Variants in CKAP5 observed in about 807,000 individuals in gnomAD.
The protein encoded by CKAP5 is cytoskeleton-associated protein 5.
A neutral mutation model predicts 232.8 loss-of-function variants in CKAP5; 27 were observed. That is an observed-to-expected ratio of 0.12 (90% CI 0.09 to 0.16). The LOEUF is 0.16. Among genes scored for constraint, CKAP5 ranks in the 10% least tolerant of loss-of-function variants. CKAP5 has a pLI of 1.00. For missense variants in CKAP5, 1,838 were observed against 2,424.7 expected (o/e 0.76, Z 5.08); for synonymous variants, 785 against 841.1 (o/e 0.93, Z 1.16).
chr11:46,800,923 G>GT (rs1363359518), intron 9 of CKAP5, among the ~76,000 whole-genome samples: 1 of 152,082 alleles, frequency 6.6e-6, no homozygotes, highest in African/African-American at 2.4e-5. Context: ...CAAGATACTA[G>GT]TAAGTAAATA....
chr11:46,756,907 C>T (rs1371491806), intron 35 of CKAP5, among the ~76,000 whole-genome samples: 1 of 151,694 alleles, frequency 6.6e-6, no homozygotes, highest in African/African-American at 2.4e-5. Flanking sequence ...AGGCATGTGC[C>T]ACTATGCCCG....
rs111881269 is a variant in CKAP5, at chr11:46,752,975, T to C, written c.5058-265A>G. ...GAGAAAGAATAAAATGTACCTGAAA[T>C]GTACAAGAAAAATGTAACTGACAAA... On this transcript the variant is annotated intron_variant, in intron 37 of 43. Coordinates refer to ENST00000529230, the MANE Select transcript of CKAP5 (RefSeq NM_001008938.4). 521 of 427,604 alleles carry C rather than the reference T, an allele frequency of 1.2e-3. 3 individuals carry two copies. The highest frequency in any genetic ancestry group is 9.5e-3 in the African/African-American group (467 of 49,020). The allele number at this position is 427,604 out of a possible 1,614,324, so 26.5% of individuals were successfully genotyped here.
chr11:46,775,623 A>G (rs893542713), intron 24 of CKAP5, among the ~76,000 whole-genome samples: 3 of 152,058 alleles, frequency 2.0e-5, no homozygotes, highest in Non-Finnish European at 4.4e-5. Flanking sequence ...CATATACACC[A>G]TGGAATACTA....
chr11:46,762,806 G>A, intron 30 of CKAP5, 44 bp from the exon 31 acceptor site: 2 of 1,594,162 alleles, frequency 1.3e-6, no homozygotes, highest in South Asian at 1.1e-5. Flanking sequence ...CATTTCCTAA[G>A]TAGCAATGAT....
chr11:46,785,709 T>C (rs2065384701), intron 16 of CKAP5, among the ~76,000 whole-genome samples: 1 of 152,116 alleles, frequency 6.6e-6, no homozygotes, highest in Non-Finnish European at 1.5e-5. Flanking sequence ...CTTTGGTAGG[T>C]TGAGTCGAGG....
chr11:46,822,469 G>A (rs971479673), intron 1 of CKAP5, among the ~76,000 whole-genome samples: 16 of 151,950 alleles, frequency 1.1e-4, no homozygotes, highest in Admixed American at 5.2e-4. Context: ...TAATCAATAT[G>A]GGGGTCGGGT....
chr11:46,831,823 C>T (rs965369889), intron 1 of CKAP5, among the ~76,000 whole-genome samples: 1 of 151,670 alleles, frequency 6.6e-6, no homozygotes, highest in Non-Finnish European at 1.5e-5. Flanking sequence ...CGAGCCACCC[C>T]ACCCAGTCAG....
intron 5 of CKAP5, 130 bp downstream of exon 5, chr11:46,810,877 T>C (rs1939259443): frequency 1.2e-6 from 1 of 817,962 alleles, no homozygotes; most frequent in Non-Finnish European, 1.8e-6. Context: ...TTAGCTATGC[T>C]CAGAAAAGCT....
intron 24 of CKAP5, 56 bp from the exon 25 acceptor site, chr11:46,771,038 A>C (rs1248595450): frequency 1.4e-5 from 21 of 1,466,406 alleles, no homozygotes; most frequent in Admixed American, 5.6e-5. Context: ...GTTATCATTT[A>C]TGATCTCAGG....
At chr11:46,802,943 G>A (rs970794164) in intron 8 of CKAP5, among the ~76,000 whole-genome samples, 2 of 152,112 alleles carry the variant, frequency 1.3e-5, no homozygotes, top group African/African-American at 4.8e-5. Context: ...CAAACCCTAT[G>A]AGGTAAGGAC....
intron 25 of CKAP5, 144 bp from the exon 26 acceptor site, chr11:46,770,242 T>C: frequency 1.3e-6 from 1 of 766,058 alleles, no homozygotes; most frequent in South Asian, 1.7e-5. Flanking sequence ...GTACATGGTG[T>C]CAGAGAAGTC....
At chr11:46,829,360 G>C (rs759296938) in intron 1 of CKAP5, among the ~76,000 whole-genome samples, 3 of 152,102 alleles carry the variant, frequency 2.0e-5, no homozygotes, top group Non-Finnish European at 4.4e-5. Context: ...TTAAAAGACA[G>C]TCTACTTACT....
rs146792387 is a variant in CKAP5 at position 46,811,007 on chromosome 11, C to A, written c.630G>T (p.Gln210His). The A allele has an allele frequency of 6.2e-7, 1 of 1,604,924 alleles. No individual in the cohort carries two copies. Among genetic ancestry groups the A allele is most frequent in the Non-Finnish European group, 8.5e-7 (1 of 1,176,570 alleles). Residue 210 changes from glutamine to histidine, a missense_variant and splice_region_variant, in exon 5 of 44, where the codon CAG becomes CAT. Around this residue, in one of 6 missense-constraint regions of CKAP5, gnomAD observed 285 missense variants for 300.0 expected, o/e 0.95. Transcript: ENST00000529230. The part of the protein sequence containing the change: ...RPPLQNINSV[Q>H]LKELEEEWVK... Reference sequence around the variant, plus strand: ...GCAACCAGAAAACTTTTTGTCTCACCTGAACAGAGTTTATATTTTGTAATG... The same window carrying A: ...GCAACCAGAAAACTTTTTGTCTCACATGAACAGAGTTTATATTTTGTAATG...
chr11:46,751,041 C>T (rs1421242142), intron 40 of CKAP5, 77 bp downstream of exon 40: 38 of 1,559,512 alleles, frequency 2.4e-5, no homozygotes, highest in Middle Eastern at 1.7e-4. Flanking sequence ...AAAGCATATC[C>T]TGGTGACCTA....
intron 32 of CKAP5, among the ~76,000 whole-genome samples, chr11:46,761,723 G>A (rs1225031605): frequency 3.9e-5 from 6 of 152,152 alleles, no homozygotes; most frequent in Admixed American, 3.3e-4. Flanking sequence ...ATTTAAACCC[G>A]GGACTAGCTC....
At chr11:46,771,018 A>G (rs774048517) in intron 24 of CKAP5, 36 bp from the exon 25 acceptor site, 6 of 1,555,204 alleles carry the variant, frequency 3.9e-6, no homozygotes, top group African/African-American at 1.4e-5. Flanking sequence ...ACACACTTCA[A>G]ATGAAGACTG....
chr11:46,790,652 A>AT (rs992159006), intron 13 of CKAP5, 69 bp from the exon 14 acceptor site: 129 of 1,102,758 alleles, frequency 1.2e-4, no homozygotes, highest in African/African-American at 8.0e-5. Flanking sequence ...TTTTATTTTT[A>AT]TTTTTTTTGA....
intron 33 of CKAP5, 98 bp downstream of exon 33, chr11:46,760,514 T>G: frequency 8.6e-7 from 1 of 1,157,800 alleles, no homozygotes; most frequent in South Asian, 1.4e-5. Context: ...TGCATGATAA[T>G]GGCTACAAGA....
At chr11:46,777,381 C>T in intron 23 of CKAP5, 58 bp downstream of exon 23, 1 of 1,067,720 alleles carries the variant, frequency 9.4e-7, no homozygotes. Context: ...TATCTTTAAC[C>T]CAAAAATATG....
Sources: allele counts gnomAD v4.1 joint callset (sites outside exome capture counted in the v4.1 genomes callset), GRCh38; gene constraint gnomAD v4.1.1; regional missense constraint gnomAD v4.1.1; transcripts MANE v1.5; gene names NCBI Gene and HGNC (gene_info 2026-07-23, HGNC 2026-07-21).